Variants in PHF24 observed in about 807,000 individuals in gnomAD.
PHF24 encodes the protein Galpha inhibitory interacting protein.
PHF24 carries 25 observed loss-of-function variants against 42.6 expected under a neutral mutation model. That is an observed-to-expected ratio of 0.59 (90% CI 0.43 to 0.82). PHF24 has a LOEUF of 0.82. Among genes scored for constraint, PHF24 ranks in the 40% least tolerant of loss-of-function variants. PHF24 has a pLI of 0.00. For synonymous variants in PHF24, 185 were observed against 204.8 expected, an observed-to-expected ratio of 0.90 and a Z score of 0.83; for missense variants, 470 against 538.1, an observed-to-expected ratio of 0.87 and a Z score of 1.25.
the PHF24 span, among the ~76,000 whole-genome samples, chr9:34,796,588 T>C: frequency 1.3e-5 from 2 of 152,142 alleles, no homozygotes; most frequent in Middle Eastern, 6.3e-3. Flanking sequence ...TGATGTAAGG[T>C]TGGCAAATAA....
chr9:34,936,473 C>A, the PHF24 span, among the ~76,000 whole-genome samples: 1 of 152,016 alleles, frequency 6.6e-6, no homozygotes, highest in Non-Finnish European at 1.5e-5. Flanking sequence ...GAGATTGCAG[C>A]CTCTGCCCGG....
chr9:34,793,028 T>C, the PHF24 span, among the ~76,000 whole-genome samples: 1 of 152,178 alleles, frequency 6.6e-6, no homozygotes, highest in Non-Finnish European at 1.5e-5. Flanking sequence ...TATAATGTCC[T>C]TATAAAATCA....
the PHF24 span, among the ~76,000 whole-genome samples, chr9:34,740,678 G>A: frequency 6.6e-6 from 1 of 152,252 alleles, no homozygotes; most frequent in African/African-American, 2.4e-5. Flanking sequence ...CCAGAAAGGG[G>A]TTCCCACAGT....
chr9:34,880,137 G>T, the PHF24 span, among the ~76,000 whole-genome samples: 1 of 152,162 alleles, frequency 6.6e-6, no homozygotes, highest in African/African-American at 2.4e-5. Context: ...ATCCTTTACA[G>T]ACAAGCAAAT....
At chr9:34,972,351 C>G in exon 3 of PHF24, 1 of 1,598,952 alleles carries the variant, frequency 6.3e-7, no homozygotes, top group Non-Finnish European at 8.5e-7. Context: ...TGCAGGTTGT[C>G]AACGATGAGA....
chr9:34,972,405 G>A (rs373393574), exon 3 of PHF24: 134 of 1,614,056 alleles, frequency 8.3e-5, no homozygotes, highest in East Asian at 2.2e-4. Flanking sequence ...GCCTCTTCCC[G>A]TGCAGGGTCT....
chr9:34,952,704 G>C (rs2132822474), upstream of PHF24, among the ~76,000 whole-genome samples: 1 of 152,234 alleles, frequency 6.6e-6, no homozygotes, highest in Middle Eastern at 3.4e-3. Flanking sequence ...TCCAGGAATA[G>C]ACCCACACAA....
chr9:34,718,120 G>A, the PHF24 span, among the ~76,000 whole-genome samples: 2 of 152,220 alleles, frequency 1.3e-5, no homozygotes, highest in African/African-American at 2.4e-5. Flanking sequence ...CCATGGGTCA[G>A]TCTGCCTGCC....
At chr9:34,683,517 C>T in the PHF24 span, among the ~76,000 whole-genome samples, 2 of 152,220 alleles carry the variant, frequency 1.3e-5, no homozygotes, top group African/African-American at 4.8e-5. Flanking sequence ...CTATCCTGCA[C>T]CATGAAGGGT....
chr9:34,968,818 A>T (rs1417972039), intron 1 of PHF24, among the ~76,000 whole-genome samples: 1 of 152,270 alleles, frequency 6.6e-6, no homozygotes, highest in Non-Finnish European at 1.5e-5. Context: ...CAGTGGAGAT[A>T]AGTACTGTGT....
the PHF24 span, among the ~76,000 whole-genome samples, chr9:34,674,245 G>T: frequency 1.3e-5 from 2 of 152,204 alleles, no homozygotes; most frequent in Non-Finnish European, 2.9e-5. Context: ...TGGAACACTG[G>T]TATTCGGAGC....
chr9:34,964,667 TG>T (rs1826706896), intron 1 of PHF24, among the ~76,000 whole-genome samples: 1 of 152,174 alleles, frequency 6.6e-6, no homozygotes, highest in African/African-American at 2.4e-5. Context: ...CTGCAGAAAA[TG>T]GGTGTGTCTT....
At chr9:34,697,077 T>C in the PHF24 span, among the ~76,000 whole-genome samples, 1 of 152,192 alleles carries the variant, frequency 6.6e-6, no homozygotes, top group Non-Finnish European at 1.5e-5. Flanking sequence ...GATTTGGGTA[T>C]CATTGTGTTA....
At chr9:34,864,150 C>G in the PHF24 span, among the ~76,000 whole-genome samples, 5 of 152,070 alleles carry the variant, frequency 3.3e-5, no homozygotes, top group African/African-American at 1.2e-4. Flanking sequence ...TCTACAGGAT[C>G]CAGGAAATAT....
chr9:34,735,201 T>C, the PHF24 span, among the ~76,000 whole-genome samples: 9 of 148,018 alleles, frequency 6.1e-5, no homozygotes, highest in Non-Finnish European at 1.2e-4. Context: ...AATGGTTCAA[T>C]CTCAGCTCAC....
chr9:34,749,969 A>C, the PHF24 span, among the ~76,000 whole-genome samples: 1 of 152,134 alleles, frequency 6.6e-6, no homozygotes, highest in South Asian at 2.1e-4. Flanking sequence ...TTTACCCTAG[A>C]ATAGTATATC....
chr9:34,827,567 G>T, the PHF24 span, among the ~76,000 whole-genome samples: 1 of 152,184 alleles, frequency 6.6e-6, no homozygotes, highest in Non-Finnish European at 1.5e-5. Context: ...TCCTCATGAT[G>T]GGATGGTGAG....
intron 1 of PHF24, among the ~76,000 whole-genome samples, chr9:34,967,252 G>A (rs1408986061): frequency 6.6e-6 from 1 of 152,144 alleles, no homozygotes; most frequent in East Asian, 1.9e-4. Flanking sequence ...TCTTTTAGAG[G>A]TGCGTTCTTC....
the PHF24 span, among the ~76,000 whole-genome samples, chr9:34,793,225 G>GC: frequency 6.6e-6 from 1 of 152,024 alleles, no homozygotes; most frequent in Non-Finnish European, 1.5e-5. Flanking sequence ...GGAAGGGGAA[G>GC]CTTGCCCAAG....
Sources: allele counts gnomAD v4.1 joint callset (sites outside exome capture counted in the v4.1 genomes callset), GRCh38; gene constraint gnomAD v4.1.1; transcripts MANE v1.5; gene names NCBI Gene and HGNC (gene_info 2026-07-23, HGNC 2026-07-21).